Variants in MAIP1 observed in about 807,000 individuals in gnomAD.
MAIP1 encodes the protein m-AAA protease-interacting protein 1, mitochondrial.
In MAIP1, 28 loss-of-function variants were observed where a neutral mutation model predicts 31.2. The ratio of observed to expected loss-of-function variants is 0.90; its 90% CI spans 0.67 to 1.23. The LOEUF (loss-of-function observed/expected upper bound fraction) is 1.23. Among genes scored for constraint, MAIP1 ranks in the 50% most tolerant of loss-of-function variants. MAIP1 has a pLI of 0.00. For synonymous variants in MAIP1, 142 were observed against 142.3 expected (o/e 1.00, Z 0.02); for missense variants, 339 against 356.0 (o/e 0.95, Z 0.38).
Position 199,955,775 on chromosome 2 carries a change from G to C in MAIP1, c.-24G>C, listed in dbSNP as rs1304053838. On this transcript the variant is annotated 5_prime_UTR_variant, in exon 1 of 5. Transcript: ENST00000392290. ...CTTCCTTTCCATACAGCACCGGCAG[G>C]CACCGGTGTGAAGGGTCATAAAAAT... 1 of 1,510,038 alleles carries C rather than the reference G, an allele frequency of 6.6e-7. No homozygotes were observed. Among genetic ancestry groups the C allele is most frequent in the East Asian group, 2.3e-5 (1 of 43,960 alleles). The allele number at this position is 1,510,038 out of a possible 1,614,324, so 93.5% of individuals were successfully genotyped here.
intron 1 of MAIP1, among the ~76,000 whole-genome samples, chr2:199,956,819 G>A (rs531756926): frequency 6.6e-6 from 1 of 152,194 alleles, no homozygotes; most frequent in Non-Finnish European, 1.5e-5. Flanking sequence ...AGATTAAACT[G>A]GAGATGAGCA....
In MAIP1 at chr2:199,963,972, G is replaced by T. The variant is rs2077649573; in HGVS notation, c.*161G>T. The T allele has an allele frequency of 2.3e-6, 1 of 438,842 alleles. No homozygotes were observed. Among genetic ancestry groups the T allele is most frequent in the African/African-American group, 2.0e-5 (1 of 49,674 alleles). The allele number at this position is 438,842 out of a possible 1,614,324, so 27.2% of individuals were successfully genotyped here. A position where few individuals can be genotyped will look rare whatever the true frequency, so the allele number is the denominator to read the frequency against. On this transcript the variant is annotated 3_prime_UTR_variant, in exon 5 of 5. Coordinates refer to ENST00000392290, the MANE Select transcript of MAIP1 (RefSeq NM_001394955.1). ...AGTATATTGGCATGATACAGTAAAAGCATTTTCCACAGATTGTTATCACCT... is the reference window on the plus strand; with the variant it reads ...AGTATATTGGCATGATACAGTAAAATCATTTTCCACAGATTGTTATCACCT...
At chr2:199,959,631 G>A in intron 2 of MAIP1, 123 bp from the exon 3 acceptor site, 1 of 773,206 alleles carries the variant, frequency 1.3e-6, no homozygotes. Context: ...TTTTGAGGAT[G>A]AGTAAATACG....
chr2:199,960,748 G>A (rs1353714438), intron 3 of MAIP1, among the ~76,000 whole-genome samples: 1 of 152,076 alleles, frequency 6.6e-6, no homozygotes, highest in Non-Finnish European at 1.5e-5. Flanking sequence ...GGGGGGTCCT[G>A]GAACCAATCC....
At chr2:199,958,800 C>T (rs76225625) in intron 1 of MAIP1, among the ~76,000 whole-genome samples, 21,045 of 152,130 alleles carry the variant, frequency 0.14, 1,749 homozygotes, top group Middle Eastern at 0.23. Flanking sequence ...AACTAATGAC[C>T]TTCTCTCCCA....
chr2:199,959,212 A>G lies in MAIP1; in HGVS notation c.451-56A>G, dbSNP rs1236753642. The G allele has an allele frequency of 2.1e-5, 18 of 871,656 alleles. 1 individual carries two copies. The South Asian group carries it at 2.2e-4, about 11-fold the overall frequency. 54.0% of individuals were successfully genotyped at this position (871,656 alleles called of 1,614,324 possible). A position where few individuals can be genotyped will look rare whatever the true frequency, so the allele number is the denominator to read the frequency against. On this transcript the variant is annotated intron_variant, in intron 1 of 4. Transcript: ENST00000392290. ...TACACTTAGCCATTTAAATATGAAC[A>G]TGGTATGGTATTTTGAAATAATAAT...
intron 4 of MAIP1, among the ~76,000 whole-genome samples, chr2:199,962,632 T>C (rs1384601027): frequency 6.6e-6 from 1 of 152,028 alleles, no homozygotes; most frequent in Non-Finnish European, 1.5e-5. Context: ...GAAGAGCACA[T>C]GGGAGGGGAG....
At chr2:199,960,516 TA>T (rs1171696480) in intron 3 of MAIP1, among the ~76,000 whole-genome samples, 2 of 152,190 alleles carry the variant, frequency 1.3e-5, no homozygotes, top group African/African-American at 2.4e-5. Flanking sequence ...TAAAAAATAT[TA>T]AAAAAAAATA....
chr2:199,955,557 C>A (rs1574817052), upstream of MAIP1: 2 of 1,520,792 alleles, frequency 1.3e-6, no homozygotes, highest in African/African-American at 2.8e-5. Context: ...ACACGAGCGA[C>A]AGAGAAAAGG....
intron 3 of MAIP1, among the ~76,000 whole-genome samples, chr2:199,961,426 T>A (rs988865324): frequency 2.0e-5 from 3 of 152,006 alleles, no homozygotes; most frequent in African/African-American, 7.3e-5. Context: ...ACTGCGCCAC[T>A]GCACCCCAGC....
upstream of MAIP1, chr2:199,955,527 T>C (rs910828698): frequency 1.3e-6 from 2 of 1,581,156 alleles, no homozygotes; most frequent in Non-Finnish European, 1.7e-6. Context: ...AAAGCGTTCC[T>C]CAGCGCCATC....
chr2:199,955,633 G>T lies in MAIP1; in HGVS notation c.-166G>T. On this transcript the variant is annotated 5_prime_UTR_variant, in exon 1 of 5. Coordinates refer to ENST00000392290, the MANE Select transcript of MAIP1 (RefSeq NM_001394955.1). ...GCGGGGCGGGTTGCCGAAGGGCCTC[G>T]GCCTGGGCTGCGTGCTGGAGAGCGG... 8.7e-7 allele frequency: 1 copy of T among 1,151,398 alleles called. No individual in the cohort carries two copies. The highest frequency in any genetic ancestry group is 1.2e-6 in the Non-Finnish European group (1 of 831,232). 71.3% of individuals were successfully genotyped at this position (1,151,398 alleles called of 1,614,324 possible). A position where few individuals can be genotyped will look rare whatever the true frequency, so the allele number is the denominator to read the frequency against.
Position 199,955,922 on chromosome 2 carries a change from T to C in MAIP1, c.124T>C (p.Phe42Leu). 6.3e-7 allele frequency: 1 copy of C among 1,598,362 alleles called. No homozygotes were observed. Among genetic ancestry groups the C allele is most frequent in the Non-Finnish European group, 8.5e-7 (1 of 1,170,872 alleles). Residue 42 changes from phenylalanine (F) to leucine (L), a missense_variant, in exon 1 of 5, where the codon TTC becomes CTC. Phe to Leu is a conservative substitution (Grantham distance 22). Transcript: ENST00000392290. Reference protein sequence around the residue: ...VRLPSATLCYFCRCRLGLGAA... With the variant: ...VRLPSATLCYLCRCRLGLGAA... Reference sequence around the variant, plus strand: ...GCTGCCGTCGGCCACACTTTGCTACTTCTGCCGCTGTCGCCTCGGCTTGGG... The same window carrying C: ...GCTGCCGTCGGCCACACTTTGCTACCTCTGCCGCTGTCGCCTCGGCTTGGG...
intron 4 of MAIP1, among the ~76,000 whole-genome samples, chr2:199,962,688 TAC>T (rs1316546344): frequency 2.0e-5 from 3 of 152,186 alleles, no homozygotes; most frequent in Non-Finnish European, 4.4e-5. Flanking sequence ...CCATAATTGG[TAC>T]ATGAACAATT....
rs750596379 is a variant in MAIP1 at position 199,956,177 on chromosome 2, A to G, written c.379A>G (p.Lys127Glu). 3 of 1,614,154 alleles carry G rather than the reference A, an allele frequency of 1.9e-6. No individual in the cohort carries two copies. Among genetic ancestry groups the G allele is most frequent in the Middle Eastern group, 3.3e-4 (2 of 6,062 alleles). ...NPINWVRTRI[K>E]AFLIWAYFDK... ...CATCAACTGGGTTAGGACTCGAATT[A>G]AGGCCTTCCTTATCTGGGCCTATTT... The change falls in exon 1 of 5, where the codon AAG becomes GAG. Residue 127 changes from lysine to glutamate, a missense_variant. Physicochemically the swap from Lys to Glu is moderately conservative, Grantham distance 56. Transcript: ENST00000392290.
At chr2:199,959,941 T>A in intron 3 of MAIP1, 61 bp downstream of exon 3, 1 of 1,476,912 alleles carries the variant, frequency 6.8e-7, no homozygotes, top group Non-Finnish European at 9.3e-7. Flanking sequence ...GCTAAACTAG[T>A]GGATAATCAC....
chr2:199,955,656 C>T lies in MAIP1; in HGVS notation c.-143C>T. On this transcript the variant is annotated 5_prime_UTR_variant, in exon 1 of 5. Transcript: ENST00000392290. ...TCGGCCTGGGCTGCGTGCTGGAGAGCGGGGACGGGGCCGACTCACCAGAGG... is the reference window on the plus strand; with the variant it reads ...TCGGCCTGGGCTGCGTGCTGGAGAGTGGGGACGGGGCCGACTCACCAGAGG... 1.8e-6 allele frequency: 2 copies of T among 1,109,716 alleles called. No individual in the cohort carries two copies. The highest frequency in any genetic ancestry group is 2.8e-5 in the Admixed American group (1 of 35,194). The allele number at this position is 1,109,716 out of a possible 1,614,324, so 68.7% of individuals were successfully genotyped here.
rs1352645245 is a variant in MAIP1, at chr2:199,955,850, C to T, written c.52C>T (p.Pro18Ser). 1 of 1,524,672 alleles carries T rather than the reference C, an allele frequency of 6.6e-7. No homozygotes were observed. Among genetic ancestry groups the T allele is most frequent in the South Asian group, 1.3e-5 (1 of 76,190 alleles). The allele number at this position is 1,524,672 out of a possible 1,614,324, so 94.4% of individuals were successfully genotyped here. Residue 18 changes from proline (P) to serine (S), a missense_variant, in exon 1 of 5, where the codon CCC (proline) becomes TCC (serine). By Grantham distance (74) the Pro-to-Ser change is moderately conservative. Coordinates refer to ENST00000392290, the MANE Select transcript of MAIP1 (RefSeq NM_001394955.1). ...CCAGTTCCTGCACTCTCGGTCGCTG[C>T]CCTGCGGGGCCGTCCGACTCCGGAC... is the stretch of plus-strand genomic sequence containing the variant. Reference protein sequence around the residue: ...LPQFLHSRSLPCGAVRLRTPA... With the variant: ...LPQFLHSRSLSCGAVRLRTPA...
Position 199,961,139 on chromosome 2 carries a change from C to G in MAIP1, c.650-642C>G, listed in dbSNP as rs367587476. On this transcript the variant is annotated intron_variant, in intron 3 of 4. Coordinates refer to ENST00000392290, the MANE Select transcript of MAIP1 (RefSeq NM_001394955.1). ...TTTCTCCTCATTTTTGGTTTGACAACAGGTATCTGTCAGGAGATTATTATA... is the reference window on the plus strand; with the variant it reads ...TTTCTCCTCATTTTTGGTTTGACAAGAGGTATCTGTCAGGAGATTATTATA... 2.0e-5 allele frequency among the ~76,000 whole-genome samples: 3 copies of G among 152,046 alleles called. No homozygotes were observed. In the East Asian group the frequency reaches 5.8e-4, roughly 29 times the overall value.
Sources: gnomAD v4.1 joint callset for allele counts (sites outside exome capture counted in the v4.1 genomes callset) on GRCh38, gnomAD v4.1.1 for gene constraint, MANE v1.5 for transcripts, NCBI Gene and HGNC (gene_info 2026-07-23, HGNC 2026-07-21) for gene names.